ARHGAP31: variants seen among roughly 807,000 people sequenced by gnomAD.
ARHGAP31 encodes the protein rho GTPase-activating protein 31.
In ARHGAP31, 34 loss-of-function variants were observed where a neutral mutation model predicts 113.9. The ratio of observed to expected loss-of-function variants is 0.30; its 90% CI spans 0.23 to 0.40. The LOEUF is 0.40. Ranked by LOEUF, ARHGAP31 falls within the 10% of genes least tolerant of loss-of-function variation. The pLI, the probability that ARHGAP31 is intolerant of heterozygous loss-of-function variation, is 1.00. For synonymous variants in ARHGAP31, 650 were observed against 684.8 expected (o/e 0.95, Z 0.79); for missense variants, 1,548 against 1,767.1 (o/e 0.88, Z 2.22).
chr3:119,358,467 C>T (rs1167526812), intron 1 of ARHGAP31, among the ~76,000 whole-genome samples: 1 of 152,132 alleles, frequency 6.6e-6, no homozygotes, highest in African/African-American at 2.4e-5. Flanking sequence ...GTAGAGTCAC[C>T]ATACGACCTA....
intron 3 of ARHGAP31, 117 bp downstream of exon 3, chr3:119,368,633 G>C: frequency 1.5e-6 from 2 of 1,328,802 alleles, no homozygotes; most frequent in South Asian, 1.3e-5. Context: ...TTATCTTAGC[G>C]TGGTGAGGGA....
intron 3 of ARHGAP31, among the ~76,000 whole-genome samples, chr3:119,378,510 C>G (rs1164364879): frequency 6.6e-6 from 1 of 152,162 alleles, no homozygotes; most frequent in Non-Finnish European, 1.5e-5. Context: ...TTAAATTGAC[C>G]TACACCTTTA....
chr3:119,331,112 A>G (rs1473151303), intron 1 of ARHGAP31, among the ~76,000 whole-genome samples: 2 of 152,200 alleles, frequency 1.3e-5, no homozygotes, highest in African/African-American at 2.4e-5. Flanking sequence ...TCAAATGTCC[A>G]CTTCTGATGG....
chr3:119,405,749 G>A (rs940356571), intron 10 of ARHGAP31, among the ~76,000 whole-genome samples: 2 of 152,206 alleles, frequency 1.3e-5, no homozygotes, highest in Non-Finnish European at 2.9e-5. Context: ...TGCTGGGAAC[G>A]TGACAATGCC....
In ARHGAP31 at chr3:119,339,767, A is replaced by G. The variant is rs111346922; in HGVS notation, c.101-25549A>G. On this transcript the variant is annotated intron_variant, in intron 1 of 11. Transcript: ENST00000264245. ...ATGTACACTTTACACCTTATATAAA[A>G]GTTAGCTCAAAAGAGATCACAGACT... Among the ~76,000 whole-genome samples the G allele has an allele frequency of 3.0e-3, 464 of 152,326 alleles. 4 individuals carry two copies. The highest frequency in any genetic ancestry group is 0.011 in the African/African-American group (444 of 41,574).
chr3:119,400,453 C>T (rs1214835005), intron 9 of ARHGAP31, among the ~76,000 whole-genome samples: 1 of 147,592 alleles, frequency 6.8e-6, no homozygotes, highest in Admixed American at 6.7e-5. Flanking sequence ...CAGCCTGTCT[C>T]AAAAAAAAAA....
chr3:119,341,014 A>C (rs1034119512), intron 1 of ARHGAP31, among the ~76,000 whole-genome samples: 14 of 152,184 alleles, frequency 9.2e-5, no homozygotes, highest in African/African-American at 3.4e-4. Flanking sequence ...GGGAAACATC[A>C]TGGGATTTTT....
At chr3:119,376,580 C>T (rs13068360) in intron 3 of ARHGAP31, among the ~76,000 whole-genome samples, 97,825 of 151,890 alleles carry the variant, frequency 0.64, 33,684 homozygotes, top group African/African-American at 0.91. Flanking sequence ...CCTGTTTTCC[C>T]GGATACTTGC....
At chr3:119,323,145 GC>G (rs1393332312) in intron 1 of ARHGAP31, among the ~76,000 whole-genome samples, 3 of 152,136 alleles carry the variant, frequency 2.0e-5, no homozygotes, top group Non-Finnish European at 4.4e-5. Flanking sequence ...CCCTTTCGGC[GC>G]TGGGGACTCA....
At chr3:119,332,629 TCTCTCTCACA>T (rs1445266467) in intron 1 of ARHGAP31, among the ~76,000 whole-genome samples, 253 of 120,540 alleles carry the variant, frequency 2.1e-3, no homozygotes, top group South Asian at 6.1e-3. Flanking sequence ...TCTCTCTCTC[TCTCTCTCACA>T]CACACACACA....
intron 2 of ARHGAP31, among the ~76,000 whole-genome samples, chr3:119,366,995 G>A (rs779626394): frequency 5.9e-5 from 9 of 151,862 alleles, no homozygotes; most frequent in Admixed American, 2.6e-4. Flanking sequence ...CCAACTACTC[G>A]GGAGGCTGAG....
At chr3:119,318,728 G>A (rs190521739) in intron 1 of ARHGAP31, among the ~76,000 whole-genome samples, 10 of 152,218 alleles carry the variant, frequency 6.6e-5, no homozygotes, top group Admixed American at 6.5e-4. Context: ...TAATACTGTA[G>A]AATTAGTCTC....
At chr3:119,342,174 G>C (rs1395283587) in intron 1 of ARHGAP31, among the ~76,000 whole-genome samples, 1 of 152,156 alleles carries the variant, frequency 6.6e-6, no homozygotes, top group East Asian at 1.9e-4. Context: ...GTAACAGAAT[G>C]TGTGTTATGG....
intron 6 of ARHGAP31, among the ~76,000 whole-genome samples, chr3:119,389,367 T>C (rs954900628): frequency 6.6e-6 from 1 of 152,362 alleles, no homozygotes; most frequent in South Asian, 2.1e-4. Context: ...TTTATTTTTA[T>C]GTATTTTTAA....
At chr3:119,300,283 C>A (rs1254986722) in intron 1 of ARHGAP31, among the ~76,000 whole-genome samples, 1 of 152,186 alleles carries the variant, frequency 6.6e-6, no homozygotes, top group East Asian at 1.9e-4. Flanking sequence ...ATTATCATGG[C>A]ACCCTGAGTT....
intron 3 of ARHGAP31, among the ~76,000 whole-genome samples, chr3:119,370,144 G>A (rs1474919429): frequency 1.3e-5 from 2 of 152,110 alleles, no homozygotes. Context: ...GTAAATAATG[G>A]TATCCCCTAC....
At chr3:119,332,365 A>G (rs1342403361) in intron 1 of ARHGAP31, among the ~76,000 whole-genome samples, 1 of 151,680 alleles carries the variant, frequency 6.6e-6, no homozygotes, top group Admixed American at 6.6e-5. Flanking sequence ...ATGCCTGGCT[A>G]ATTTTTGTAT....
At chr3:119,315,687 G>C (rs574790439) in intron 1 of ARHGAP31, among the ~76,000 whole-genome samples, 1 of 152,318 alleles carries the variant, frequency 6.6e-6, no homozygotes, top group South Asian at 2.1e-4. Flanking sequence ...TCACATCTCT[G>C]ATGTGGAGAG....
chr3:119,303,231 C>T (rs2079600623), intron 1 of ARHGAP31, among the ~76,000 whole-genome samples: 1 of 152,166 alleles, frequency 6.6e-6, no homozygotes. Context: ...TTCAGAAAAC[C>T]AGTGTTTGTG....
Sources: allele counts gnomAD v4.1 joint callset (sites outside exome capture counted in the v4.1 genomes callset), GRCh38; gene constraint gnomAD v4.1.1; transcripts MANE v1.5; gene names NCBI Gene and HGNC (gene_info 2026-07-23, HGNC 2026-07-21).